The following CYP4X1 variants were observed in gnomAD, a reference collection of about 807,000 sequenced individuals.
CYP4X1 encodes cytochrome P450 family 4 subfamily X member 1.
A neutral mutation model predicts 57.9 loss-of-function variants in CYP4X1; 44 were observed. That is an observed-to-expected ratio of 0.76 (90% CI 0.60 to 0.98). The LOEUF (loss-of-function observed/expected upper bound fraction) is 0.98, where lower values mean the gene tolerates loss of function less well. CYP4X1 is among the 50% of genes least tolerant of loss of function. The pLI is 0.00. For synonymous variants in CYP4X1, 227 were observed against 228.6 expected (o/e 0.99, Z 0.06); for missense variants, 532 against 623.9 (o/e 0.85, Z 1.57).
intron 7 of CYP4X1, 62 bp downstream of exon 7, chr1:47,038,828 A>C (rs1367233279): frequency 7.2e-7 from 1 of 1,383,444 alleles, no homozygotes; most frequent in Non-Finnish European, 1.0e-6. Context: ...GTAGGTGGGT[A>C]AGTGGGAATG....
At chr1:47,005,248 A>G in the CYP4X1 span, among the ~76,000 whole-genome samples, 2 of 152,166 alleles carry the variant, frequency 1.3e-5, no homozygotes, top group South Asian at 4.1e-4. Flanking sequence ...CTTGGAATCT[A>G]GAGTTTACCA....
chr1:46,981,459 G>A, the CYP4X1 span, among the ~76,000 whole-genome samples: 28 of 152,122 alleles, frequency 1.8e-4, no homozygotes, highest in Admixed American at 1.1e-3. Context: ...TTAGAATGGC[G>A]ATCATTAAAA....
chr1:47,001,014 C>T, the CYP4X1 span: 1 of 224,912 alleles, frequency 4.4e-6, no homozygotes, highest in African/African-American at 2.3e-5. Flanking sequence ...CAGAAAACAG[C>T]TTAAAGTTGA....
At chr1:46,992,725 T>A in the CYP4X1 span, among the ~76,000 whole-genome samples, 1 of 152,226 alleles carries the variant, frequency 6.6e-6, no homozygotes, top group East Asian at 1.9e-4. Flanking sequence ...CACAAGTATC[T>A]GTTCAAATCC....
the CYP4X1 span, among the ~76,000 whole-genome samples, chr1:47,016,442 C>T: frequency 1.8e-4 from 28 of 151,910 alleles, no homozygotes; most frequent in Middle Eastern, 3.4e-3. Flanking sequence ...CCCAGGTTCA[C>T]GCCATTCTCC....
At chr1:47,014,647 C>T in the CYP4X1 span, among the ~76,000 whole-genome samples, 1 of 152,106 alleles carries the variant, frequency 6.6e-6, no homozygotes, top group Admixed American at 6.6e-5. Context: ...TGTTTTGTAA[C>T]TCATCATTCA....
the CYP4X1 span, among the ~76,000 whole-genome samples, chr1:46,992,618 A>T: frequency 6.6e-6 from 1 of 152,206 alleles, no homozygotes; most frequent in Non-Finnish European, 1.5e-5. Flanking sequence ...TATTGTATGT[A>T]TATAGGACAT....
the CYP4X1 span, among the ~76,000 whole-genome samples, chr1:47,007,249 C>T: frequency 6.6e-6 from 1 of 152,190 alleles, no homozygotes; most frequent in Non-Finnish European, 1.5e-5. Context: ...AACGATCCGG[C>T]AGCAACATTT....
At chr1:47,018,682 G>A (rs898701549), upstream of CYP4X1, among the ~76,000 whole-genome samples, 3 of 152,130 alleles carry the variant, frequency 2.0e-5, no homozygotes, top group African/African-American at 7.2e-5. Context: ...CATATAAATA[G>A]GTTGCTGCTG....
chr1:46,999,026 TTG>T, the CYP4X1 span, among the ~76,000 whole-genome samples: 11,633 of 143,142 alleles, frequency 0.081, 554 homozygotes, highest in East Asian at 0.16. Flanking sequence ...CTTGCTTTCT[TTG>T]TGTGTGTGTG....
At chr1:47,046,355 A>T in intron 8 of CYP4X1, 112 bp from the exon 9 acceptor site, 1 of 1,435,466 alleles carries the variant, frequency 7.0e-7, no homozygotes, top group Non-Finnish European at 9.5e-7. Flanking sequence ...TACATAAACC[A>T]GTGGCAAAAT....
chr1:47,012,795 A>G, the CYP4X1 span, among the ~76,000 whole-genome samples: 3 of 152,320 alleles, frequency 2.0e-5, no homozygotes, highest in South Asian at 4.1e-4. Context: ...TGTAAAAGTG[A>G]CATATTAGGT....
At chr1:46,966,140 T>C in the CYP4X1 span, among the ~76,000 whole-genome samples, 5 of 152,244 alleles carry the variant, frequency 3.3e-5, no homozygotes, top group African/African-American at 1.2e-4. Flanking sequence ...TTCAGGCAGA[T>C]TCCAGGCTGC....
At chr1:46,977,048 A>C in the CYP4X1 span, among the ~76,000 whole-genome samples, 1 of 152,170 alleles carries the variant, frequency 6.6e-6, no homozygotes, top group Non-Finnish European at 1.5e-5. Flanking sequence ...AAAATTCTAA[A>C]AACCAGGGCA....
At position 47,042,554 on chromosome 1, in the gene CYP4X1, A is replaced by T. The variant is rs561650844; in HGVS notation, c.1073+3022A>T. Among the ~76,000 whole-genome samples the T allele has an allele frequency of 7.9e-5, 12 of 152,190 alleles. No individual in the cohort carries two copies. In the South Asian group the frequency reaches 2.3e-3, roughly 29 times the overall value. ...TGATTTGTGAGATTTTGATGCACCC[A>T]TCACCTAAGCAGTATACACTGTACC... On this transcript the variant is annotated intron_variant, in intron 8 of 11. Coordinates refer to ENST00000371901, the MANE Select transcript of CYP4X1 (RefSeq NM_178033.2).
the CYP4X1 span, among the ~76,000 whole-genome samples, chr1:46,965,514 G>C: frequency 6.6e-6 from 1 of 152,180 alleles, no homozygotes; most frequent in Non-Finnish European, 1.5e-5. Context: ...GCAGACCTTT[G>C]TTGCTTCGGT....
intron 9 of CYP4X1, among the ~76,000 whole-genome samples, chr1:47,046,814 C>A (rs1373605499): frequency 2.0e-5 from 3 of 152,166 alleles, no homozygotes; most frequent in Non-Finnish European, 4.4e-5. Context: ...CCAGTTGCAG[C>A]AAAGCTAAGC....
chr1:46,982,908 C>T, the CYP4X1 span, among the ~76,000 whole-genome samples: 7 of 152,184 alleles, frequency 4.6e-5, no homozygotes, highest in African/African-American at 9.7e-5. Context: ...GTGATGGGGA[C>T]GTTGGCAGTG....
chr1:46,991,348 G>A, the CYP4X1 span, among the ~76,000 whole-genome samples: 1 of 152,088 alleles, frequency 6.6e-6, no homozygotes, highest in African/African-American at 2.4e-5. Flanking sequence ...TGTCACAAGG[G>A]GCCTCATTAA....
Sources: gnomAD v4.1 joint callset for allele counts (sites outside exome capture counted in the v4.1 genomes callset) on GRCh38, gnomAD v4.1.1 for gene constraint, MANE v1.5 for transcripts, NCBI Gene and HGNC (gene_info 2026-07-23, HGNC 2026-07-21) for gene names.